The following PIGK variants were observed in gnomAD, a reference collection of about 807,000 sequenced individuals.
The protein encoded by PIGK is phosphatidylinositol glycan anchor biosynthesis class K.
Under a neutral mutation model 50.6 loss-of-function variants are expected in PIGK, and 42 were observed. The ratio of observed to expected loss-of-function variants is 0.83; its 90% confidence interval spans 0.65 to 1.07. The LOEUF (loss-of-function observed/expected upper bound fraction) is 1.07. Ranked by LOEUF, PIGK falls within the 50% of genes least tolerant of loss-of-function variation. PIGK has a pLI of 0.00. For synonymous variants in PIGK, 151 were observed against 156.0 expected (o/e 0.97, Z 0.24); for missense variants, 448 against 488.7 (o/e 0.92, Z 0.78).
intron 3 of PIGK, among the ~76,000 whole-genome samples, chr1:77,193,493 A>G (rs1218423680): frequency 1.3e-5 from 2 of 152,166 alleles, no homozygotes; most frequent in African/African-American, 4.8e-5. Context: ...AAGCCCGAAG[A>G]TATGTCTTTC....
intron 3 of PIGK, among the ~76,000 whole-genome samples, chr1:77,202,884 G>A (rs17688479): frequency 0.081 from 12,282 of 152,124 alleles, 683 homozygotes; most frequent in Non-Finnish European, 0.12. Flanking sequence ...CCAAAAGAGC[G>A]TGACAGAGAC....
intron 10 of PIGK, among the ~76,000 whole-genome samples, chr1:77,113,269 T>C (rs1653893908): frequency 6.6e-6 from 1 of 152,100 alleles, no homozygotes; most frequent in Non-Finnish European, 1.5e-5. Flanking sequence ...GAAGATGTAA[T>C]AGAAAGGCAG....
At chr1:77,175,888 T>C (rs1421853846) in intron 3 of PIGK, among the ~76,000 whole-genome samples, 1 of 152,150 alleles carries the variant, frequency 6.6e-6, no homozygotes, top group African/African-American at 2.4e-5. Context: ...CTGATTAAGA[T>C]TGATAAATTT....
At chr1:77,206,932 C>T (rs1232691658) in intron 2 of PIGK, among the ~76,000 whole-genome samples, 1 of 152,048 alleles carries the variant, frequency 6.6e-6, no homozygotes, top group Non-Finnish European at 1.5e-5. Flanking sequence ...TTTGGGAAGC[C>T]CAGGCGGGAA....
At chr1:77,190,218 T>C (rs1655866708) in intron 3 of PIGK, among the ~76,000 whole-genome samples, 1 of 151,226 alleles carries the variant, frequency 6.6e-6, no homozygotes. Flanking sequence ...TGAGACTCCA[T>C]CTCTACCAAA....
intron 10 of PIGK, among the ~76,000 whole-genome samples, chr1:77,116,836 TTAAA>T (rs1436879164): frequency 2.0e-5 from 3 of 152,166 alleles, no homozygotes; most frequent in Non-Finnish European, 4.4e-5. Context: ...CACATTTTTG[TTAAA>T]TAATTGTTTC....
chr1:77,213,721 T>TA (rs1032846394), intron 1 of PIGK, among the ~76,000 whole-genome samples: 5 of 150,718 alleles, frequency 3.3e-5, no homozygotes, highest in African/African-American at 1.2e-4. Context: ...AAAAGAGAAT[T>TA]AAAAAATACA....
In PIGK at chr1:77,094,161, G is replaced by A. The variant is rs563269055; in HGVS notation, c.1072-1671C>T. ...ATCTAAAACTACTTTTCCACATACCGGGAAAAGGTTACCGTTATTCATTAT... is the reference window on the plus strand; with the variant it reads ...ATCTAAAACTACTTTTCCACATACCAGGAAAAGGTTACCGTTATTCATTAT... On this transcript the variant is annotated intron_variant, in intron 10 of 10. Transcript: ENST00000370812. 1.2e-3 allele frequency among the ~76,000 whole-genome samples: 188 copies of A among 152,126 alleles called. 1 individual carries two copies. The highest frequency in any genetic ancestry group is 4.2e-3 in the African/African-American group (174 of 41,530).
chr1:77,189,132 TAAGTA>T (rs1207841221), intron 3 of PIGK, among the ~76,000 whole-genome samples: 1 of 152,272 alleles, frequency 6.6e-6, no homozygotes, highest in African/African-American at 2.4e-5. Flanking sequence ...TATCAGCATT[TAAGTA>T]TTCTTAACTT....
At chr1:77,167,311 A>C (rs1321936981) in intron 4 of PIGK, among the ~76,000 whole-genome samples, 10 of 152,200 alleles carry the variant, frequency 6.6e-5, no homozygotes, top group Non-Finnish European at 1.2e-4. Flanking sequence ...TGGGCAAGAG[A>C]GCAAGACTAT....
intron 9 of PIGK, among the ~76,000 whole-genome samples, chr1:77,125,706 T>G (rs189523263): frequency 6.6e-6 from 1 of 152,244 alleles, no homozygotes; most frequent in East Asian, 1.9e-4. Flanking sequence ...ATAAATCAAG[T>G]TTCCCAGGTA....
intron 9 of PIGK, among the ~76,000 whole-genome samples, chr1:77,149,048 G>A (rs193251537): frequency 1.6e-4 from 24 of 152,118 alleles, no homozygotes; most frequent in East Asian, 7.7e-4. Flanking sequence ...AGAACTATAC[G>A]ATTTTTAATG....
At chr1:77,186,834 C>T (rs1324988785) in intron 3 of PIGK, among the ~76,000 whole-genome samples, 2 of 152,238 alleles carry the variant, frequency 1.3e-5, no homozygotes, top group East Asian at 1.9e-4. Flanking sequence ...GAGACCAACA[C>T]TGACCCCTCA....
In PIGK at chr1:77,219,310, C is replaced by G. The variant is rs1455039014; in HGVS notation, c.93G>C (p.Glu31Asp). Reference sequence around the variant, plus strand: ...GTGGTCAAATGAGCCTGACTCCTACCTCGATATGACTAGCGGCCACGCTGC... The same window carrying G: ...GTGGTCAAATGAGCCTGACTCCTACGTCGATATGACTAGCGGCCACGCTGC... ...SFGSVAASHI[E>D]DQAEQFFRSG... The change falls in exon 1 of 11, where the codon GAG becomes GAC. Residue 31 changes from glutamate (E) to aspartate (D), a missense_variant and splice_region_variant. Physicochemically the swap from Glu to Asp is conservative, Grantham distance 45. Transcript: ENST00000370812. 7 of 1,613,022 alleles carry G rather than the reference C, an allele frequency of 4.3e-6. No homozygotes were observed. The African/African-American group carries it at 9.3e-5, about 22-fold the overall frequency.
At chr1:77,198,359 A>C (rs907306977) in intron 3 of PIGK, among the ~76,000 whole-genome samples, 3 of 152,068 alleles carry the variant, frequency 2.0e-5, no homozygotes, top group Admixed American at 2.0e-4. Flanking sequence ...TATAAAATAA[A>C]GAATTTATCT....
chr1:77,129,693 T>A (rs1416456858), intron 9 of PIGK: 1 of 1,101,476 alleles, frequency 9.1e-7, no homozygotes, highest in Non-Finnish European at 1.3e-6. Flanking sequence ...TAAATGTAAT[T>A]AAAAGGAAAA....
chr1:77,150,075 G>A (rs1296866981), intron 9 of PIGK, among the ~76,000 whole-genome samples: 3 of 152,030 alleles, frequency 2.0e-5, no homozygotes, highest in Non-Finnish European at 4.4e-5. Context: ...ATCAGAATAT[G>A]GGATACAGTA....
At chr1:77,194,917 G>C (rs1655996010) in intron 3 of PIGK, 4 of 516,918 alleles carry the variant, frequency 7.7e-6, no homozygotes, top group Non-Finnish European at 1.5e-5. Context: ...CAAATGGATG[G>C]ACAGAAGTCA....
rs1417408405 is a variant in PIGK, at chr1:77,090,807, A to C, written c.*1567T>G. ...GAAAGATCCTTCACATAATCAGACAAAATTTTTCTTCCTCATTTATATAAC... is the reference window on the plus strand; with the variant it reads ...GAAAGATCCTTCACATAATCAGACACAATTTTTCTTCCTCATTTATATAAC... On this transcript the variant is annotated 3_prime_UTR_variant, in exon 11 of 11. Coordinates refer to ENST00000370812, the MANE Select transcript of PIGK (RefSeq NM_005482.3). The C allele has an allele frequency of 6.6e-6, 1 of 152,192 alleles. No homozygotes were observed. Among genetic ancestry groups the C allele is most frequent in the Non-Finnish European group, 1.5e-5 (1 of 68,018 alleles). 9.4% of individuals were successfully genotyped at this position (152,192 alleles called of 1,614,324 possible). A position where few individuals can be genotyped will look rare whatever the true frequency, so the allele number is the denominator to read the frequency against.
Sources: gnomAD v4.1 joint callset for allele counts (sites outside exome capture counted in the v4.1 genomes callset) on GRCh38, gnomAD v4.1.1 for gene constraint, MANE v1.5 for transcripts, NCBI Gene and HGNC (gene_info 2026-07-23, HGNC 2026-07-21) for gene names.